Variants in SGK1 observed in about 807,000 individuals in gnomAD.
SGK1 encodes the protein serum/glucocorticoid regulated kinase 1.
Under a neutral mutation model 64.2 loss-of-function variants are expected in SGK1, and 26 were observed. The observed-to-expected ratio is 0.40, with a 90% CI of 0.30 to 0.56. SGK1 has a LOEUF of 0.56. Ranked by LOEUF, SGK1 falls within the 20% of genes least tolerant of loss-of-function variation. The pLI is 0.38. For missense variants in SGK1, 519 were observed against 645.6 expected, an observed-to-expected ratio of 0.80 and a Z score of 2.12; for synonymous variants, 265 against 239.7, an observed-to-expected ratio of 1.11 and a Z score of -0.98.
chr6:134,264,399 T>G (rs768942203), intron 1 of SGK1, among the ~76,000 whole-genome samples: 9 of 152,004 alleles, frequency 5.9e-5, no homozygotes, highest in East Asian at 3.9e-4. Context: ...TATTACAGGC[T>G]TGAGCCACTG....
chr6:134,220,071 AAAAAAAAAAAAAAAAAG>A (rs1396800373), intron 2 of SGK1, among the ~76,000 whole-genome samples: 3 of 145,012 alleles, frequency 2.1e-5, no homozygotes, highest in Middle Eastern at 3.4e-3. Context: ...AAAAAAAAAA[AAAAAAAAAAAAAAAAAG>A]AAAAGAAAAG....
chr6:134,260,391 G>C (rs996258185), intron 2 of SGK1: 1 of 115,134 alleles, frequency 8.7e-6, no homozygotes, highest in Non-Finnish European at 1.7e-5. Context: ...CCAAAAAAAG[G>C]GCCGGCGTAG....
At chr6:134,283,150 T>A (rs1191641440) in intron 1 of SGK1, 2 of 152,254 alleles carry the variant, frequency 1.3e-5, no homozygotes, top group Non-Finnish European at 2.9e-5. Flanking sequence ...TACAGATTTC[T>A]TTGTTCCTTC....
intron 2 of SGK1, among the ~76,000 whole-genome samples, chr6:134,219,970 A>G (rs1214333198): frequency 1.4e-5 from 2 of 139,026 alleles, no homozygotes; most frequent in Non-Finnish European, 3.1e-5. Context: ...GAGGCAGGAG[A>G]ATGGCGTTAA....
chr6:134,297,374 G>C, intron 1 of SGK1: 1 of 856,874 alleles, frequency 1.2e-6, no homozygotes, highest in Non-Finnish European at 1.9e-6. Context: ...ACAGCTTGGC[G>C]TTGGCATCCT....
chr6:134,217,302 G>A (rs964048315), intron 2 of SGK1, among the ~76,000 whole-genome samples: 11 of 152,194 alleles, frequency 7.2e-5, no homozygotes, highest in African/African-American at 2.2e-4. Context: ...GAGGGTCAAA[G>A]CTGTCCACGA....
At chr6:134,211,875 A>AG (rs1249181792) in intron 2 of SGK1, among the ~76,000 whole-genome samples, 1 of 115,664 alleles carries the variant, frequency 8.6e-6, no homozygotes, top group Non-Finnish European at 1.8e-5. Context: ...TCCGTCTACA[A>AG]GGAAAAAAAA....
intron 1 of SGK1, among the ~76,000 whole-genome samples, chr6:134,293,805 C>T (rs935475325): frequency 3.3e-5 from 5 of 152,042 alleles, no homozygotes; most frequent in Non-Finnish European, 7.4e-5. Context: ...TCCTTGATGA[C>T]GCATGGCAGA....
At chr6:134,181,517 G>C (rs760275720) in intron 3 of SGK1, among the ~76,000 whole-genome samples, 6 of 151,946 alleles carry the variant, frequency 3.9e-5, no homozygotes, top group Non-Finnish European at 7.4e-5. Context: ...GTTAATTTGA[G>C]TACTTTTAGT....
intron 3 of SGK1, among the ~76,000 whole-genome samples, chr6:134,206,884 C>CA (rs781075266): frequency 0.065 from 6,550 of 101,014 alleles, 187 homozygotes; most frequent in South Asian, 0.12. Context: ...AAAAAAAAAA[C>CA]AAAAAAAAAA....
At chr6:134,184,774 C>T (rs1006027986) in intron 3 of SGK1, among the ~76,000 whole-genome samples, 2 of 152,124 alleles carry the variant, frequency 1.3e-5, no homozygotes, top group Non-Finnish European at 2.9e-5. Context: ...ACCTCTGCCT[C>T]CCGGGCTCAA....
At chr6:134,276,819 A>G (rs1243540088) in intron 1 of SGK1, among the ~76,000 whole-genome samples, 1 of 152,072 alleles carries the variant, frequency 6.6e-6, no homozygotes, top group Non-Finnish European at 1.5e-5. Flanking sequence ...TGGAAGGCTG[A>G]GGTGGGTGGA....
At chr6:134,272,658 T>C (rs1338243608) in intron 1 of SGK1, among the ~76,000 whole-genome samples, 1 of 147,910 alleles carries the variant, frequency 6.8e-6, no homozygotes, top group Non-Finnish European at 1.5e-5. Context: ...TTAGCCGAGC[T>C]TCATGAAAAA....
chr6:134,212,045 G>GT (rs1775898688), intron 2 of SGK1, among the ~76,000 whole-genome samples: 1 of 90,222 alleles, frequency 1.1e-5, no homozygotes, highest in East Asian at 3.5e-4. Flanking sequence ...CTGTTTTTTT[G>GT]TTTTTTGTTT....
intron 1 of SGK1, among the ~76,000 whole-genome samples, chr6:134,311,753 G>A (rs774136239): frequency 1.3e-5 from 2 of 152,184 alleles, no homozygotes; most frequent in Non-Finnish European, 2.9e-5. Flanking sequence ...GCTGTGTTGT[G>A]GGCGCAGGCT....
chr6:134,184,570 C>A (rs1024191938), intron 3 of SGK1, among the ~76,000 whole-genome samples: 9 of 150,920 alleles, frequency 6.0e-5, no homozygotes, highest in Non-Finnish European at 1.0e-4. Flanking sequence ...AGCAGCTGAC[C>A]TTTCTTTGTC....
chr6:134,254,074 G>GTTTTCTGTCCTAGTCTCTCC (rs1218400155), intron 2 of SGK1, among the ~76,000 whole-genome samples: 1 of 136,686 alleles, frequency 7.3e-6, no homozygotes, highest in African/African-American at 2.8e-5. Flanking sequence ...GGGCTACAGA[G>GTTTTCTGTCCTAGTCTCTCC]TTTTCTGTCC....
At chr6:134,215,877 G>A (rs565520572) in intron 2 of SGK1, among the ~76,000 whole-genome samples, 13 of 152,212 alleles carry the variant, frequency 8.5e-5, no homozygotes, top group South Asian at 6.2e-4. Flanking sequence ...TTAGCCAGGC[G>A]TGGTGGTGCA....
At chr6:134,206,364 TATATATATATATATATA>T (rs1222673666) in intron 3 of SGK1, among the ~76,000 whole-genome samples, 95 of 7,708 alleles carry the variant, frequency 0.012, no homozygotes, top group African/African-American at 0.028. Context: ...TATATATATA[TATATATATATATATATA>T]TATTTTTTTT....
Sources: gnomAD v4.1 joint callset for allele counts (sites outside exome capture counted in the v4.1 genomes callset) on GRCh38, gnomAD v4.1.1 for gene constraint, MANE v1.5 for transcripts, NCBI Gene and HGNC (gene_info 2026-07-23, HGNC 2026-07-21) for gene names.